SLC66A2: variants seen among roughly 807,000 people sequenced by gnomAD.
The protein encoded by SLC66A2 is PQ loop repeat containing 1.
Under a neutral mutation model 25.5 loss-of-function variants are expected in SLC66A2, and 23 were observed. The ratio of observed to expected loss-of-function variants is 0.90; its 90% CI spans 0.65 to 1.28. The LOEUF (loss-of-function observed/expected upper bound fraction) is 1.28, where lower values mean the gene tolerates loss of function less well. SLC66A2 is among the 50% of genes most tolerant of loss of function. The pLI, the probability that SLC66A2 is intolerant of heterozygous loss-of-function variation, is 0.00. For synonymous variants in SLC66A2, 193 were observed against 166.5 expected, an observed-to-expected ratio of 1.16 and a Z score of -1.23; for missense variants, 396 against 373.1, an observed-to-expected ratio of 1.06 and a Z score of -0.51.
rs143333617 is a variant in SLC66A2, at chr18:79,937,636, C to A, written c.338-3614G>T. Among the ~76,000 whole-genome samples, 3 of 152,328 alleles carry A rather than the reference C, an allele frequency of 2.0e-5. No homozygotes were observed. The East Asian group carries it at 5.8e-4, about 29-fold the overall frequency. ...GCTGACGGCCTCAGCATGAGCCCCA[C>A]AGTGGCCGCTGACCACACGCACCTC... On this transcript the variant is annotated intron_variant, in intron 3 of 5. Transcript: ENST00000397778. This position sits in a 1 kb window ranked among gnomAD's most constrained non-coding sequence, Gnocchi z 5.4.
At chr18:79,924,020 G>A (rs1360313447) in intron 4 of SLC66A2, among the ~76,000 whole-genome samples, 4 of 150,160 alleles carry the variant, frequency 2.7e-5, no homozygotes, top group African/African-American at 9.8e-5. Flanking sequence ...CTGGGTGACA[G>A]AGTGGGACCT....
At position 79,951,004 on chromosome 18, in the gene SLC66A2, C is replaced by A. The variant is rs1247969752; in HGVS notation, c.-78G>T. 3 of 1,164,874 alleles carry A rather than the reference C, an allele frequency of 2.6e-6. No homozygotes were observed. The highest frequency in any genetic ancestry group is 3.4e-6 in the Non-Finnish European group (3 of 885,538). The allele number at this position is 1,164,874 out of a possible 1,614,324, so 72.2% of individuals were successfully genotyped here. On this transcript the variant is annotated 5_prime_UTR_variant, in exon 2 of 6. Transcript: ENST00000397778. ...CGGCCGCCTGCTCATCGCCGCTCCG[C>A]GCGCTCCTGCGGCCTCGGGGCCTGC...
Position 79,918,420 on chromosome 18 carries a change from C to CA in SLC66A2, c.608+763_608+764insT, listed in dbSNP as rs1555702988. On this transcript the variant is annotated intron_variant, in intron 5 of 5. Coordinates refer to ENST00000397778, the MANE Select transcript of SLC66A2 (RefSeq NM_025078.5). This position sits in a 1 kb window ranked among gnomAD's most constrained non-coding sequence, Gnocchi z 4.0. ...GCGGATCCCCAGTGAGGAGCGGGCC[C>CA]GGGGGGGGGTCCCCAGTGAGGAGCG... Among the ~76,000 whole-genome samples the CA allele has an allele frequency of 1.8e-5, 2 of 109,016 alleles. 1 individual carries two copies. Among genetic ancestry groups the CA allele is most frequent in the East Asian group, 5.4e-4 (2 of 3,698 alleles). The allele number at this position is 109,016 out of a possible 152,430, so 71.5% of individuals were successfully genotyped here. A position where few individuals can be genotyped will look rare whatever the true frequency, so the allele number is the denominator to read the frequency against.
At chr18:79,908,244 G>GC (rs1982424061) in intron 5 of SLC66A2, among the ~76,000 whole-genome samples, 1 of 152,074 alleles carries the variant, frequency 6.6e-6, no homozygotes, top group African/African-American at 2.4e-5. Context: ...CTGTTGAGTA[G>GC]CACTGCTGCC....
At chr18:79,930,595 A>G (rs1986472029) in intron 4 of SLC66A2, among the ~76,000 whole-genome samples, 1 of 152,202 alleles carries the variant, frequency 6.6e-6, no homozygotes, top group Non-Finnish European at 1.5e-5. Context: ...TTGACTTAAA[A>G]AGTAACTGCA....
intron 4 of SLC66A2, among the ~76,000 whole-genome samples, chr18:79,921,752 GA>G (rs369971884): frequency 1.9e-4 from 11 of 59,306 alleles, no homozygotes; most frequent in Admixed American, 5.6e-4. Flanking sequence ...GTCAGGGTCA[GA>G]GGAGGAGAGA....
intron 3 of SLC66A2, among the ~76,000 whole-genome samples, chr18:79,934,841 T>C (rs949426882): frequency 6.6e-6 from 1 of 152,158 alleles, no homozygotes; most frequent in African/African-American, 2.4e-5. Flanking sequence ...AATGGAAATT[T>C]TGCAAGTGAA....
intron 5 of SLC66A2, among the ~76,000 whole-genome samples, chr18:79,914,041 T>A (rs1983621243): frequency 6.6e-6 from 1 of 152,180 alleles, no homozygotes; most frequent in South Asian, 2.1e-4. Flanking sequence ...CCTGAGTAGC[T>A]GGGATTACAG....
chr18:79,948,355 T>C (rs2051003205), intron 2 of SLC66A2, among the ~76,000 whole-genome samples: 1 of 151,766 alleles, frequency 6.6e-6, no homozygotes, highest in South Asian at 2.1e-4. Context: ...TTAGATAGAT[T>C]CTTTTCTTTC....
At position 79,927,382 on chromosome 18, in the gene SLC66A2, AGC is replaced by A. The variant is rs1986083439; in HGVS notation, c.391+6585_391+6586del. On this transcript the variant is annotated intron_variant, in intron 4 of 5. Transcript: ENST00000397778. This position sits in a 1 kb window ranked among gnomAD's most constrained non-coding sequence, Gnocchi z 6.2. The stretch of plus-strand genomic sequence containing the variant: ...GAGGGGCACAGGCTACAGTCAGGAG[AGC>A]ACAGACAAGAGGCCCCCGAGGCCAC... Among the ~76,000 whole-genome samples, 1 of 152,118 alleles carries A rather than the reference AGC, an allele frequency of 6.6e-6. No individual in the cohort carries two copies. Among genetic ancestry groups the A allele is most frequent in the South Asian group, 2.1e-4 (1 of 4,826 alleles).
At chr18:79,943,501 A>G in intron 2 of SLC66A2, 39 bp from the exon 3 acceptor site, 2 of 1,600,420 alleles carry the variant, frequency 1.2e-6, no homozygotes, top group Admixed American at 3.4e-5. Flanking sequence ...AGGTCCACCC[A>G]TGCCACTTCT....
At chr18:79,935,287 C>CCAGGCTGTGCCTAGGACA in intron 3 of SLC66A2, 1 of 152,270 alleles carries the variant, frequency 6.6e-6, no homozygotes, top group African/African-American at 2.4e-5. Flanking sequence ...ACATCCCACA[C>CCAGGCTGTGCCTAGGACA]CAGGCTGTGT....
At chr18:79,928,197 A>G (rs1986198638) in intron 4 of SLC66A2, among the ~76,000 whole-genome samples, 1 of 152,260 alleles carries the variant, frequency 6.6e-6, no homozygotes, top group South Asian at 2.1e-4. Flanking sequence ...GCCCCAGCCC[A>G]GATGGCACTG....
At position 79,903,873 on chromosome 18, in the gene SLC66A2, T is replaced by A; in HGVS notation, c.*103A>T. 2 of 1,061,522 alleles carry A rather than the reference T, an allele frequency of 1.9e-6. No homozygotes were observed. The highest frequency in any genetic ancestry group is 1.3e-6 in the Non-Finnish European group (1 of 744,030). The allele number at this position is 1,061,522 out of a possible 1,614,324, so 65.8% of individuals were successfully genotyped here. Reference sequence around the variant, plus strand: ...GAGACCCCAATGCCCATGCCCCATCTCTGCCACACCTGCAGGGGCCACAGC... The same window carrying A: ...GAGACCCCAATGCCCATGCCCCATCACTGCCACACCTGCAGGGGCCACAGC... On this transcript the variant is annotated 3_prime_UTR_variant, in exon 6 of 6. Coordinates refer to ENST00000397778, the MANE Select transcript of SLC66A2 (RefSeq NM_025078.5).
At position 79,917,437 on chromosome 18, in the gene SLC66A2, T is replaced by C. The variant is rs531058534; in HGVS notation, c.608+1747A>G. Among the ~76,000 whole-genome samples the C allele has an allele frequency of 4.6e-5, 7 of 152,274 alleles. No homozygotes were observed. The South Asian group carries it at 1.4e-3, about 32-fold the overall frequency. Reference sequence around the variant, plus strand: ...CCGCTAGACCCTCACCACGAGGCTGTGGTGATGCTCTGGAGGGCACAGGCC... The same window carrying C: ...CCGCTAGACCCTCACCACGAGGCTGCGGTGATGCTCTGGAGGGCACAGGCC... On this transcript the variant is annotated intron_variant, in intron 5 of 5. Transcript: ENST00000397778. The surrounding 1 kb of genome is among the most constrained non-coding windows in gnomAD (Gnocchi z 6.0).
At chr18:79,908,173 T>C (rs1019054022) in intron 5 of SLC66A2, among the ~76,000 whole-genome samples, 4 of 152,210 alleles carry the variant, frequency 2.6e-5, no homozygotes, top group African/African-American at 9.6e-5. Context: ...CTGTTGGTTT[T>C]CCTTCATTCC....
At chr18:79,923,597 T>C (rs1985559098) in intron 4 of SLC66A2, among the ~76,000 whole-genome samples, 1 of 152,114 alleles carries the variant, frequency 6.6e-6, no homozygotes, top group African/African-American at 2.4e-5. Context: ...TAACTCAAAA[T>C]GGATCAAAAA....
chr18:79,918,382 C>T lies in SLC66A2; in HGVS notation c.608+802G>A, dbSNP rs1434898352. The stretch of plus-strand genomic sequence containing the variant: ...GGCTCAGGGTGTTCTCCGTGAGGAG[C>T]GGGCACCGGGGGGCGGATCCCCAGT... On this transcript the variant is annotated intron_variant, in intron 5 of 5. Coordinates refer to ENST00000397778, the MANE Select transcript of SLC66A2 (RefSeq NM_025078.5). This position sits in a 1 kb window ranked among gnomAD's most constrained non-coding sequence, Gnocchi z 4.0. Among the ~76,000 whole-genome samples the T allele has an allele frequency of 7.0e-6, 1 of 141,906 alleles. No individual in the cohort carries two copies. The highest frequency in any genetic ancestry group is 2.5e-5 in the African/African-American group (1 of 39,826). 93.1% of individuals were successfully genotyped at this position (141,906 alleles called of 152,430 possible).
rs551527336 is a variant in SLC66A2, at chr18:79,917,408, G to A, written c.608+1776C>T. Among the ~76,000 whole-genome samples the A allele has an allele frequency of 1.2e-3, 177 of 152,320 alleles. 1 individual carries two copies. The highest frequency in any genetic ancestry group is 3.3e-3 in the African/African-American group (136 of 41,574). On this transcript the variant is annotated intron_variant, in intron 5 of 5. Coordinates refer to ENST00000397778, the MANE Select transcript of SLC66A2 (RefSeq NM_025078.5). This position sits in a 1 kb window ranked among gnomAD's most constrained non-coding sequence, Gnocchi z 6.0. Reference sequence around the variant, plus strand: ...GCCAGGAGGCCGGCATGTGGGGTCCGGATCCGCTAGACCCTCACCACGAGG... The same window carrying A: ...GCCAGGAGGCCGGCATGTGGGGTCCAGATCCGCTAGACCCTCACCACGAGG...
Sources: allele counts gnomAD v4.1 joint callset (sites outside exome capture counted in the v4.1 genomes callset), GRCh38; gene constraint gnomAD v4.1.1; non-coding constraint Gnocchi (gnomAD v3.1); transcripts MANE v1.5; gene names NCBI Gene and HGNC (gene_info 2026-07-23, HGNC 2026-07-21).